BRINP1: variants seen among roughly 807,000 people sequenced by gnomAD.
The protein encoded by BRINP1 is BMP/retinoic acid-inducible neural-specific protein 1.
Under a neutral mutation model 72.9 loss-of-function variants are expected in BRINP1, and 17 were observed. The observed-to-expected ratio is 0.23, with a 90% confidence interval of 0.16 to 0.35. The LOEUF (loss-of-function observed/expected upper bound fraction) is 0.35. Among genes scored for constraint, BRINP1 ranks in the 10% least tolerant of loss-of-function variants. The probability of loss-of-function intolerance (pLI) is 1.00; values close to 1 mark genes in which losing one functional copy is unlikely to be tolerated. For synonymous variants in BRINP1, 418 were observed against 378.5 expected (o/e 1.10, Z -1.21); for missense variants, 850 against 1,001.6 (o/e 0.85, Z 2.04).
chr9:119,267,428 T>A (rs485456), intron 2 of BRINP1, among the ~76,000 whole-genome samples: 31,233 of 151,808 alleles, frequency 0.21, 3,348 homozygotes, highest in Admixed American at 0.25. Flanking sequence ...TGAGGTCAGG[T>A]GTTCAAGACC....
intron 2 of BRINP1, among the ~76,000 whole-genome samples, chr9:119,252,624 A>G (rs928375702): frequency 1.3e-5 from 2 of 151,910 alleles, no homozygotes; most frequent in Non-Finnish European, 2.9e-5. Context: ...TCATATGAAC[A>G]CACCCGTATT....
intron 7 of BRINP1, among the ~76,000 whole-genome samples, chr9:119,181,038 T>C (rs1262268783): frequency 2.0e-5 from 3 of 152,042 alleles, no homozygotes; most frequent in Non-Finnish European, 2.9e-5. Context: ...TGGAAGGAGG[T>C]GACAGGCAAC....
chr9:119,236,234 A>G (rs1320433217), intron 5 of BRINP1, among the ~76,000 whole-genome samples: 1 of 152,322 alleles, frequency 6.6e-6, no homozygotes, highest in East Asian at 1.9e-4. Context: ...ACACGGATCC[A>G]ATCCTCCAGG....
At chr9:119,352,934 A>G (rs987754896) in intron 1 of BRINP1, among the ~76,000 whole-genome samples, 2 of 152,202 alleles carry the variant, frequency 1.3e-5, no homozygotes, top group Admixed American at 1.3e-4. Context: ...AGAAAGTAGG[A>G]GCCTAAGTCA....
chr9:119,348,718 C>T (rs1315002972), intron 1 of BRINP1, among the ~76,000 whole-genome samples: 3 of 152,122 alleles, frequency 2.0e-5, no homozygotes, highest in South Asian at 2.1e-4. Flanking sequence ...CTATTTATGA[C>T]CCTAGGTCAA....
At chr9:119,321,221 G>A (rs1264647550) in intron 1 of BRINP1, among the ~76,000 whole-genome samples, 3 of 151,824 alleles carry the variant, frequency 2.0e-5, no homozygotes, top group African/African-American at 4.8e-5. Context: ...GTGAGCCACC[G>A]CACCCGGCCA....
At chr9:119,314,451 C>T (rs541402564) in intron 1 of BRINP1, among the ~76,000 whole-genome samples, 4 of 152,298 alleles carry the variant, frequency 2.6e-5, no homozygotes, top group South Asian at 2.1e-4. Context: ...CTACAACCTC[C>T]GCCTCCAGGG....
chr9:119,352,934 AGCCTAAGTCAGG>A (rs1221631197), intron 1 of BRINP1, among the ~76,000 whole-genome samples: 1 of 152,320 alleles, frequency 6.6e-6, no homozygotes, highest in East Asian at 1.9e-4. Flanking sequence ...AGAAAGTAGG[AGCCTAAGTCAGG>A]GCCAAAGTGT....
intron 2 of BRINP1, among the ~76,000 whole-genome samples, chr9:119,265,523 G>T (rs765652519): frequency 1.3e-5 from 2 of 152,084 alleles, no homozygotes; most frequent in Non-Finnish European, 2.9e-5. Flanking sequence ...CTTGAACCCA[G>T]GAGGCAGAGG....
At chr9:119,246,417 C>T (rs562367822) in intron 3 of BRINP1, among the ~76,000 whole-genome samples, 1 of 152,276 alleles carries the variant, frequency 6.6e-6, no homozygotes, top group South Asian at 2.1e-4. Flanking sequence ...CATCTTTTTC[C>T]CCTGCTGGAT....
chr9:119,251,297 G>A (rs1038628694), intron 2 of BRINP1, among the ~76,000 whole-genome samples: 3 of 152,186 alleles, frequency 2.0e-5, no homozygotes, highest in African/African-American at 7.2e-5. Context: ...TCACAGTCTG[G>A]AAGACTTTTC....
At chr9:119,227,857 G>A (rs1830107852) in intron 5 of BRINP1, among the ~76,000 whole-genome samples, 1 of 151,990 alleles carries the variant, frequency 6.6e-6, no homozygotes, top group Non-Finnish European at 1.5e-5. Flanking sequence ...TTCTTCATCT[G>A]TATAGTGGGG....
Position 119,369,057 on chromosome 9 carries a change from T to G in BRINP1, c.-52A>C, listed in dbSNP as rs1047566592. On this transcript the variant is annotated splice_region_variant and 5_prime_UTR_variant, in exon 1 of 8. Transcript: ENST00000265922. ...GCGCTGCACCCGGCGCCGCCTTACCTGGAGTCAATGTCCGTCTTTGGCGGA... is the reference window on the plus strand; with the variant it reads ...GCGCTGCACCCGGCGCCGCCTTACCGGGAGTCAATGTCCGTCTTTGGCGGA... 5.1e-6 allele frequency: 2 copies of G among 394,864 alleles called. No individual in the cohort carries two copies. Among genetic ancestry groups the G allele is most frequent in the African/African-American group, 4.1e-5 (2 of 48,368 alleles). The allele number at this position is 394,864 out of a possible 1,614,324, so 24.5% of individuals were successfully genotyped here.
At chr9:119,357,736 G>C (rs79161172) in intron 1 of BRINP1, among the ~76,000 whole-genome samples, 16,255 of 152,200 alleles carry the variant, frequency 0.11, 1,157 homozygotes, top group Middle Eastern at 0.15. Context: ...ATGAAAGATG[G>C]ATGCCTTTCT....
intron 2 of BRINP1, among the ~76,000 whole-genome samples, chr9:119,297,036 C>T (rs953593252): frequency 2.6e-5 from 4 of 151,974 alleles, no homozygotes; most frequent in Admixed American, 6.6e-5. Flanking sequence ...AAAAAAGAGA[C>T]GGAAAATAGT....
At chr9:119,206,518 C>A (rs966620162) in intron 7 of BRINP1, among the ~76,000 whole-genome samples, 14 of 151,304 alleles carry the variant, frequency 9.3e-5, no homozygotes, top group Admixed American at 7.2e-4. Flanking sequence ...AAAAAAACAA[C>A]CATCCACAAG....
At chr9:119,183,431 C>G (rs1223933736) in intron 7 of BRINP1, among the ~76,000 whole-genome samples, 2 of 152,112 alleles carry the variant, frequency 1.3e-5, no homozygotes, top group East Asian at 3.9e-4. Flanking sequence ...CTGACCTACA[C>G]TGGATGAAGC....
Position 119,193,320 on chromosome 9 carries a change from G to A in BRINP1, c.1145+15399C>T, listed in dbSNP as rs566942180. The stretch of plus-strand genomic sequence containing the variant: ...ATTGTAAGTGAAATAATCCAGACAC[G>A]GAAATACAAATATTGCATGATTTCA... On this transcript the variant is annotated intron_variant, in intron 7 of 7. Transcript: ENST00000265922. Among the ~76,000 whole-genome samples the A allele has an allele frequency of 5.9e-5, 9 of 151,514 alleles. No individual in the cohort carries two copies. In the South Asian group the frequency reaches 6.2e-4, roughly 11 times the overall value.
intron 1 of BRINP1, among the ~76,000 whole-genome samples, chr9:119,353,020 C>A (rs10984502): frequency 0.23 from 34,751 of 152,154 alleles, 4,815 homozygotes; most frequent in East Asian, 0.32. Context: ...AAAAGAAGAG[C>A]TCTTAAAGCA....
Sources: gnomAD v4.1 joint callset for allele counts (sites outside exome capture counted in the v4.1 genomes callset) on GRCh38, gnomAD v4.1.1 for gene constraint, MANE v1.5 for transcripts, NCBI Gene and HGNC (gene_info 2026-07-23, HGNC 2026-07-21) for gene names.